The following PLAGL1 variants were observed in gnomAD, a reference collection of about 807,000 sequenced individuals.
PLAGL1 encodes zinc finger protein PLAGL1.
In PLAGL1, 1 loss-of-function variant was observed where a neutral mutation model predicts 4.6. The observed-to-expected ratio is 0.22, with a 90% confidence interval of 0.08 to 1.03. The LOEUF is 1.03. PLAGL1 is among the 50% of genes least tolerant of loss of function. PLAGL1 has a pLI of 0.58. For missense variants in PLAGL1, 464 were observed against 570.4 expected (o/e 0.81, Z 1.90); for synonymous variants, 240 against 237.8 (o/e 1.01, Z -0.08).
Position 144,013,550 on chromosome 6 carries a change from C to T in PLAGL1, c.-150-44572G>A, listed in dbSNP as rs950454098. ...AAACATGAAATTTATTTTCTGAGTC[C>T]GAAAGGCCAGAAGTCTGAAATCAAG... On this transcript the variant is annotated intron_variant, in intron 1 of 3. Coordinates refer to the PLAGL1 transcript ENST00000437412. The surrounding 1 kb of genome is among the most constrained non-coding windows in gnomAD (Gnocchi z 4.4). 3.3e-4 allele frequency among the ~76,000 whole-genome samples: 50 copies of T among 152,164 alleles called. No homozygotes were observed. Among genetic ancestry groups the T allele is most frequent in the African/African-American group, 1.2e-3 (48 of 41,430 alleles).
chr6:143,995,331 A>G lies in PLAGL1; in HGVS notation c.-583-10157T>C, dbSNP rs1253806540. On this transcript the variant is annotated intron_variant, in intron 1 of 7. Coordinates refer to ENST00000674357, the MANE Select transcript of PLAGL1 (RefSeq NM_001317162.2). The surrounding 1 kb of genome is among the most constrained non-coding windows in gnomAD (Gnocchi z 4.4). ...CAAGCTACCCTTTTCATATCATTCA[A>G]TAAATGATGCATAATTTTTGGCTTT... Among the ~76,000 whole-genome samples, 1 of 152,208 alleles carries G rather than the reference A, an allele frequency of 6.6e-6. No individual in the cohort carries two copies. The highest frequency in any genetic ancestry group is 2.4e-5 in the African/African-American group (1 of 41,444).
chr6:143,977,098 C>T, intron 2 of PLAGL1, among the ~76,000 whole-genome samples: 1 of 136,634 alleles, frequency 7.3e-6, no homozygotes, highest in African/African-American at 2.6e-5. Flanking sequence ...CCCCCCAACA[C>T]ACTTAGCCTT....
In PLAGL1 at chr6:143,957,613, CTCTT is replaced by C. The variant is rs1454496069; in HGVS notation, c.-325+2852_-325+2855del. The stretch of plus-strand genomic sequence containing the variant: ...GTTAACATTCAAGGGAAAGAAAAGC[CTCTT>C]TCTTTCTCAGGAAGTGTGTGAGGAT... On this transcript the variant is annotated intron_variant, in intron 6 of 7. Coordinates refer to ENST00000674357, the MANE Select transcript of PLAGL1 (RefSeq NM_001317162.2). The surrounding 1 kb of genome is among the most constrained non-coding windows in gnomAD (Gnocchi z 4.2). Among the ~76,000 whole-genome samples the C allele has an allele frequency of 1.3e-5, 2 of 152,158 alleles. No homozygotes were observed. The highest frequency in any genetic ancestry group is 2.9e-5 in the Non-Finnish European group (2 of 68,026).
rs144954752 is a variant in PLAGL1, at chr6:143,942,606, C to T, written c.210G>A (p.Thr70=). Residue 70 remains threonine, a synonymous_variant, in exon 8 of 8, where the codon ACG becomes ACA. Transcript: ENST00000674357. This position sits in a 1 kb window ranked among gnomAD's most constrained non-coding sequence, Gnocchi z 7.6. ...TTTTCAGGTGGTCTTTCCGGTTGAA[C>T]GTCTTCTCACAGTGAGCACACTGGT... is the stretch of plus-strand genomic sequence containing the variant. ...KSHQCAHCEK[T]FNRKDHLKNH... The T allele has an allele frequency of 2.9e-5, 47 of 1,613,880 alleles. No individual in the cohort carries two copies. In the African/African-American group the frequency reaches 3.2e-4, roughly 11 times the overall value.
At chr6:144,007,501 G>A (rs1794499941) in intron 1 of PLAGL1, 1 of 152,168 alleles carries the variant, frequency 6.6e-6, no homozygotes, top group Admixed American at 6.5e-5. Context: ...AAAATTACAG[G>A]AGTATATTCA....
chr6:144,019,036 AAACAAC>A (rs201866873), intron 1 of PLAGL1, among the ~76,000 whole-genome samples: 7 of 152,062 alleles, frequency 4.6e-5, no homozygotes, highest in Non-Finnish European at 7.4e-5. Flanking sequence ...CCTATATTTA[AAACAAC>A]AACAACAACA....
intron 1 of PLAGL1, among the ~76,000 whole-genome samples, chr6:143,988,901 G>A (rs1445173434): frequency 1.3e-5 from 2 of 152,126 alleles, no homozygotes; most frequent in African/African-American, 4.8e-5. Flanking sequence ...CATTTCATTA[G>A]GATTAGGGTT....
Position 143,940,607 on chromosome 6 carries a change from ATATTTT to A in PLAGL1, c.*811_*816del, listed in dbSNP as rs1022029392. ...AAGAAAATTCTTGTTTAATATATATATATTTTTAATTCCAGTAATATTTTCTTAAAT... is the reference window on the plus strand; with the variant it reads ...AAGAAAATTCTTGTTTAATATATATATAATTCCAGTAATATTTTCTTAAAT... On this transcript the variant is annotated 3_prime_UTR_variant, in exon 8 of 8. Coordinates refer to ENST00000674357, the MANE Select transcript of PLAGL1 (RefSeq NM_001317162.2). 5.2e-5 allele frequency: 8 copies of A among 152,400 alleles called. No homozygotes were observed. The highest frequency in any genetic ancestry group is 1.9e-4 in the African/African-American group (8 of 41,452). The allele number at this position is 152,400 out of a possible 1,614,324, so 9.4% of individuals were successfully genotyped here.
At position 143,970,988 on chromosome 6, in the gene PLAGL1, TC is replaced by T. The variant is rs1735772715; in HGVS notation, c.-543-2011del. On this transcript the variant is annotated intron_variant, in intron 2 of 7. Transcript: ENST00000674357. This position sits in a 1 kb window ranked among gnomAD's most constrained non-coding sequence, Gnocchi z 5.8. Reference sequence around the variant, plus strand: ...TGCAGTTTGATTTCCTACATTTCCCTCCACTCTCTGCCTCTCCCTACTTTGG... The same window carrying T: ...TGCAGTTTGATTTCCTACATTTCCCTCACTCTCTGCCTCTCCCTACTTTGG... Among the ~76,000 whole-genome samples, 1 of 152,154 alleles carries T rather than the reference TC, an allele frequency of 6.6e-6. No individual in the cohort carries two copies. The highest frequency in any genetic ancestry group is 2.1e-4 in the South Asian group (1 of 4,832).
chr6:143,970,320 G>C lies in PLAGL1; in HGVS notation c.-543-1342C>G, dbSNP rs1467467743. On this transcript the variant is annotated intron_variant, in intron 2 of 7. Coordinates refer to ENST00000674357, the MANE Select transcript of PLAGL1 (RefSeq NM_001317162.2). This position sits in a 1 kb window ranked among gnomAD's most constrained non-coding sequence, Gnocchi z 5.8. ...AATGTCTCACTAAAGAAGGCAATAT[G>C]TAATGTTGCAAAGTAAACATTTAAA... 6.6e-6 allele frequency among the ~76,000 whole-genome samples: 1 copy of C among 152,176 alleles called. No individual in the cohort carries two copies. Among genetic ancestry groups the C allele is most frequent in the Non-Finnish European group, 1.5e-5 (1 of 68,030 alleles).
Position 144,053,914 on chromosome 6 carries a change from T to C in PLAGL1, c.-151+10554A>G, listed in dbSNP as rs1336733808. ...GGAAAGTCTTTGATTATATTAATTATCACATGAATCCTGTCAAAGTACATA... is the reference window on the plus strand; with the variant it reads ...GGAAAGTCTTTGATTATATTAATTACCACATGAATCCTGTCAAAGTACATA... On this transcript the variant is annotated intron_variant, in intron 1 of 3. Coordinates refer to the PLAGL1 transcript ENST00000437412. The surrounding 1 kb of genome is among the most constrained non-coding windows in gnomAD (Gnocchi z 4.0). Among the ~76,000 whole-genome samples, 1 of 152,204 alleles carries C rather than the reference T, an allele frequency of 6.6e-6. No individual in the cohort carries two copies. Among genetic ancestry groups the C allele is most frequent in the Non-Finnish European group, 1.5e-5 (1 of 68,036 alleles).
chr6:144,042,676 T>C (rs540709314), intron 1 of PLAGL1, among the ~76,000 whole-genome samples: 7 of 152,250 alleles, frequency 4.6e-5, no homozygotes, highest in Non-Finnish European at 7.3e-5. Context: ...TGGTTCCATA[T>C]GAACTTTAAA....
rs9496827 is a variant in PLAGL1 at position 143,955,490 on chromosome 6, G to T, written c.-325+4979C>A. The stretch of plus-strand genomic sequence containing the variant: ...TGAATTTATGTGGAGATGCAGTGAG[G>T]AGGGCGGGAAGAGAAGAGGTAGAAA... On this transcript the variant is annotated intron_variant, in intron 6 of 7. Transcript: ENST00000674357. The surrounding 1 kb of genome is among the most constrained non-coding windows in gnomAD (Gnocchi z 4.9). 0.01 allele frequency among the ~76,000 whole-genome samples: 1,543 copies of T among 152,300 alleles called. 18 individuals are homozygous for T. The highest frequency in any genetic ancestry group is 0.034 in the African/African-American group (1,408 of 41,560).
At chr6:144,023,244 A>G (rs1796099069) in intron 1 of PLAGL1, among the ~76,000 whole-genome samples, 2 of 152,230 alleles carry the variant, frequency 1.3e-5, no homozygotes, top group African/African-American at 4.8e-5. Flanking sequence ...AAGTAGATTG[A>G]CTGGGTGAAC....
intron 1 of PLAGL1, among the ~76,000 whole-genome samples, chr6:144,025,681 G>A (rs776134308): frequency 4.1e-4 from 63 of 152,138 alleles, no homozygotes; most frequent in Non-Finnish European, 7.6e-4. Context: ...CTTGAAGTCA[G>A]GAGTTAGAGA....
At chr6:144,008,749 G>A (rs1290111477), upstream of PLAGL1, 1 of 152,290 alleles carries the variant, frequency 6.6e-6, no homozygotes, top group East Asian at 1.9e-4. This position sits in a 1 kb window ranked among gnomAD's most constrained non-coding sequence, Gnocchi z 6.9. Context: ...TGTGCCAGCA[G>A]CGCCCAAGTG....
At position 144,059,297 on chromosome 6, in the gene PLAGL1, G is replaced by A. The variant is rs1799217579; in HGVS notation, c.-151+5171C>T. ...GGAATGTGAGGAGCAGCTTCCCAGG[G>A]TGGTGCAGGGCATCAGGGCCCCAGG... On this transcript the variant is annotated intron_variant, in intron 1 of 3. Coordinates refer to the PLAGL1 transcript ENST00000437412. This position sits in a 1 kb window ranked among gnomAD's most constrained non-coding sequence, Gnocchi z 4.9. 6.6e-6 allele frequency among the ~76,000 whole-genome samples: 1 copy of A among 152,210 alleles called. No individual in the cohort carries two copies. Among genetic ancestry groups the A allele is most frequent in the South Asian group, 2.1e-4 (1 of 4,836 alleles).
Position 143,941,637 on chromosome 6 carries a change from A to G in PLAGL1, c.1179T>C (p.Ala393=). The part of the protein sequence containing the change: ...LLGFWQLPPP[A]TQNTFGNSTL... ...TGCTATTCCCAAAGGTATTTTGGGT[A>G]GCAGGAGGGGGCAGCTGCCAGAAGC... is the stretch of plus-strand genomic sequence containing the variant. Residue 393 remains alanine (A), a synonymous_variant, in exon 8 of 8, where the codon GCT becomes GCC. Transcript: ENST00000674357. This position sits in a 1 kb window ranked among gnomAD's most constrained non-coding sequence, Gnocchi z 6.0. The G allele has an allele frequency of 6.2e-7, 1 of 1,614,200 alleles. No homozygotes were observed. The highest frequency in any genetic ancestry group is 8.5e-7 in the Non-Finnish European group (1 of 1,180,024).
intron 1 of PLAGL1, among the ~76,000 whole-genome samples, chr6:144,058,829 C>G (rs1184281205): frequency 6.6e-6 from 1 of 152,182 alleles, no homozygotes; most frequent in Non-Finnish European, 1.5e-5. Context: ...GGAAGCTCTG[C>G]CCCTGTAGCT....
Sources: gnomAD v4.1 joint callset for allele counts (sites outside exome capture counted in the v4.1 genomes callset) on GRCh38, gnomAD v4.1.1 for gene constraint, Gnocchi (gnomAD v3.1) non-coding constraint, MANE v1.5 for transcripts, NCBI Gene and HGNC (gene_info 2026-07-23, HGNC 2026-07-21) for gene names.